DTNB: variants seen among roughly 807,000 people sequenced by gnomAD.
DTNB encodes the protein dystrobrevin beta.
A neutral mutation model predicts 90.7 loss-of-function variants in DTNB; 63 were observed. That is an observed-to-expected ratio of 0.69 (90% confidence interval 0.57 to 0.86). DTNB has a LOEUF of 0.86. Ranked by LOEUF, DTNB falls within the 40% of genes least tolerant of loss-of-function variation. The pLI is 0.00. For missense variants in DTNB, 744 were observed against 807.1 expected (o/e 0.92, Z 0.95); for synonymous variants, 277 against 286.7 (o/e 0.97, Z 0.34).
intron 6 of DTNB, among the ~76,000 whole-genome samples, chr2:25,588,623 A>G (rs534800520): frequency 6.6e-6 from 1 of 152,322 alleles, no homozygotes; most frequent in African/African-American, 2.4e-5. Flanking sequence ...TCGGCCTCCC[A>G]AAGTGCTGGG....
intron 16 of DTNB, among the ~76,000 whole-genome samples, chr2:25,399,859 G>A (rs1294988086): frequency 8.3e-5 from 6 of 72,284 alleles, no homozygotes; most frequent in Non-Finnish European, 1.4e-4. Flanking sequence ...AAAATTCTGT[G>A]ACCTATGATC....
intron 6 of DTNB, among the ~76,000 whole-genome samples, chr2:25,588,102 T>C (rs1371988486): frequency 6.6e-6 from 1 of 152,142 alleles, no homozygotes; most frequent in Non-Finnish European, 1.5e-5. Flanking sequence ...ATAAATTATT[T>C]TGGTTATATC....
At position 25,613,038 on chromosome 2, in the gene DTNB, G is replaced by A. The variant is rs142601252; in HGVS notation, c.363-5717C>T. ...TCACTCTTCCAGGTAATAAAAAAAG[G>A]GAAGAAACACTTCCCAACTCTTTTT... On this transcript the variant is annotated intron_variant, in intron 4 of 20. Transcript: ENST00000406818. 6.8e-3 allele frequency among the ~76,000 whole-genome samples: 1,042 copies of A among 152,208 alleles called. 13 individuals are homozygous for A. The highest frequency in any genetic ancestry group is 0.024 in the African/African-American group (1,010 of 41,514).
intron 10 of DTNB, among the ~76,000 whole-genome samples, chr2:25,471,918 A>C (rs1197598529): frequency 1.3e-5 from 2 of 152,224 alleles, no homozygotes; most frequent in Non-Finnish European, 2.9e-5. Context: ...GTGAAACGCA[A>C]TGTAATATTA....
intron 10 of DTNB, among the ~76,000 whole-genome samples, chr2:25,479,277 T>A (rs1276194219): frequency 6.6e-6 from 1 of 152,204 alleles, no homozygotes; most frequent in Admixed American, 6.5e-5. Flanking sequence ...TTTGTCTGAA[T>A]ATAAGTTGAC....
chr2:25,569,376 T>C lies in DTNB; in HGVS notation c.876+7462A>G, dbSNP rs76772938. Among the ~76,000 whole-genome samples the C allele has an allele frequency of 3.6e-3, 553 of 152,318 alleles. 4 individuals carry two copies. Among genetic ancestry groups the C allele is most frequent in the African/African-American group, 0.013 (528 of 41,568 alleles). On this transcript the variant is annotated intron_variant, in intron 8 of 20. Coordinates refer to ENST00000406818, the MANE Select transcript of DTNB (RefSeq NM_021907.5). Reference sequence around the variant, plus strand: ...CTCAAAGAAGAAGACTGATATAACCTTGCATGTTTGAATACAAAAATTAAT... The same window carrying C: ...CTCAAAGAAGAAGACTGATATAACCCTGCATGTTTGAATACAAAAATTAAT...
chr2:25,419,369 C>A (rs993464094), intron 16 of DTNB, 146 bp downstream of exon 16: 2 of 1,287,936 alleles, frequency 1.6e-6, no homozygotes, highest in Non-Finnish European at 2.2e-6. Context: ...CATTTTACAA[C>A]ACCATGGGGA....
At chr2:25,465,589 G>A (rs529946229) in intron 10 of DTNB, among the ~76,000 whole-genome samples, 5 of 151,996 alleles carry the variant, frequency 3.3e-5, no homozygotes, top group African/African-American at 9.7e-5. Context: ...TGCTCACCGC[G>A]CTTCAGCCGT....
intron 2 of DTNB, among the ~76,000 whole-genome samples, chr2:25,646,046 A>G (rs2079364521): frequency 6.6e-6 from 1 of 152,074 alleles, no homozygotes; most frequent in African/African-American, 2.4e-5. Context: ...AACCATCTGA[A>G]TGGACTTCCT....
intron 9 of DTNB, among the ~76,000 whole-genome samples, chr2:25,486,085 GC>G (rs1317942867): frequency 8.6e-5 from 13 of 151,056 alleles, no homozygotes; most frequent in Admixed American, 8.6e-4. Context: ...TCACGCCACT[GC>G]ACTCTAGCCT....
intron 6 of DTNB, among the ~76,000 whole-genome samples, chr2:25,587,500 A>G (rs1187174956): frequency 1.3e-5 from 2 of 152,178 alleles, no homozygotes; most frequent in Non-Finnish European, 2.9e-5. Flanking sequence ...TGTGCCACCA[A>G]TGAACACCAA....
Position 25,668,508 on chromosome 2 carries a change from C to T in DTNB, c.-2+4878G>A, listed in dbSNP as rs151198256. Among the ~76,000 whole-genome samples the T allele has an allele frequency of 1.5e-3, 226 of 152,302 alleles. 1 individual carries two copies. Among genetic ancestry groups the T allele is most frequent in the African/African-American group, 5.2e-3 (216 of 41,556 alleles). ...GCCATGTAAATGATACATGACATTA[C>T]GCACTTGTCAAAACCCATAGAACTA... On this transcript the variant is annotated intron_variant, in intron 1 of 20. Transcript: ENST00000406818.
chr2:25,519,455 C>T (rs1457319524), intron 9 of DTNB, among the ~76,000 whole-genome samples: 1 of 149,678 alleles, frequency 6.7e-6, no homozygotes, highest in Non-Finnish European at 1.5e-5. Flanking sequence ...CCCAAAAAAT[C>T]ATTACAGCAA....
At chr2:25,451,162 T>G (rs2059226199) in intron 12 of DTNB, among the ~76,000 whole-genome samples, 1 of 152,242 alleles carries the variant, frequency 6.6e-6, no homozygotes, top group African/African-American at 2.4e-5. Flanking sequence ...GGACTTCATA[T>G]GCACAATCAT....
chr2:25,615,535 C>T (rs943395884), intron 4 of DTNB, among the ~76,000 whole-genome samples: 1 of 152,118 alleles, frequency 6.6e-6, no homozygotes, highest in African/African-American at 2.4e-5. Context: ...ATTAGGAGTT[C>T]AGTGTAAAGA....
At chr2:25,621,446 C>CTTTT in intron 4 of DTNB, among the ~76,000 whole-genome samples, 1 of 132,684 alleles carries the variant, frequency 7.5e-6, no homozygotes, top group South Asian at 2.4e-4. Flanking sequence ...GCTAAATCAA[C>CTTTT]TTTTTTTTTT....
At chr2:25,570,173 G>C (rs961253587) in intron 8 of DTNB, among the ~76,000 whole-genome samples, 10 of 151,610 alleles carry the variant, frequency 6.6e-5, no homozygotes, top group Non-Finnish European at 1.5e-4. Context: ...AGCACAGGAA[G>C]GTAGAGGTGG....
At chr2:25,488,463 T>C (rs1478769713) in intron 9 of DTNB, among the ~76,000 whole-genome samples, 2 of 151,860 alleles carry the variant, frequency 1.3e-5, no homozygotes, top group Non-Finnish European at 2.9e-5. Flanking sequence ...TGAATAGGAT[T>C]TGAGTTTTGA....
chr2:25,428,321 A>T (rs906710382), intron 14 of DTNB, among the ~76,000 whole-genome samples: 1 of 151,940 alleles, frequency 6.6e-6, no homozygotes, highest in African/African-American at 2.4e-5. Context: ...AATTCAGATC[A>T]TTCTTTCTTG....
Sources: gnomAD v4.1 joint callset for allele counts (sites outside exome capture counted in the v4.1 genomes callset) on GRCh38, gnomAD v4.1.1 for gene constraint, MANE v1.5 for transcripts, NCBI Gene and HGNC (gene_info 2026-07-23, HGNC 2026-07-21) for gene names.